TTC7B: variants seen among roughly 807,000 people sequenced by gnomAD.
The protein encoded by TTC7B is tetratricopeptide repeat protein 7B.
In TTC7B, 28 loss-of-function variants were observed where a neutral mutation model predicts 106.8. The ratio of observed to expected loss-of-function variants is 0.26; its 90% CI spans 0.19 to 0.36. TTC7B has a LOEUF of 0.36. Ranked by LOEUF, TTC7B falls within the 10% of genes least tolerant of loss-of-function variation. The pLI, the probability that TTC7B is intolerant of heterozygous loss-of-function variation, is 1.00. For missense variants in TTC7B, 862 were observed against 1,076.4 expected (o/e 0.80, Z 2.79); for synonymous variants, 405 against 430.6 (o/e 0.94, Z 0.74).
chr14:90,644,471 C>T (rs1360493612), intron 14 of TTC7B, among the ~76,000 whole-genome samples: 1 of 152,180 alleles, frequency 6.6e-6, no homozygotes, highest in Non-Finnish European at 1.5e-5. Flanking sequence ...TGTTTCTCTA[C>T]GTAGCTGCCA....
At chr14:90,734,933 G>A (rs972193913) in intron 4 of TTC7B, among the ~76,000 whole-genome samples, 4 of 152,082 alleles carry the variant, frequency 2.6e-5, no homozygotes, top group Admixed American at 6.6e-5. Context: ...ACAGGCATGC[G>A]CCACCACGCC....
intron 17 of TTC7B, among the ~76,000 whole-genome samples, chr14:90,605,401 G>A (rs1372567347): frequency 1.3e-5 from 2 of 152,230 alleles, no homozygotes; most frequent in African/African-American, 2.4e-5. Context: ...CAAAGAGGAA[G>A]TTGAGGCATG....
intron 15 of TTC7B, among the ~76,000 whole-genome samples, chr14:90,641,936 T>TCC (rs1885194832): frequency 7.9e-6 from 1 of 125,874 alleles, no homozygotes; most frequent in Admixed American, 7.7e-5. Context: ...TGTGTGTGCG[T>TCC]GTGTGTGTGT....
chr14:90,619,459 C>T (rs1272322418), intron 15 of TTC7B, among the ~76,000 whole-genome samples: 1 of 152,186 alleles, frequency 6.6e-6, no homozygotes, highest in Non-Finnish European at 1.5e-5. Flanking sequence ...TAATTCTTCC[C>T]AAACCCAGCC....
At chr14:90,734,593 T>C (rs1889449510) in intron 4 of TTC7B, among the ~76,000 whole-genome samples, 1 of 152,098 alleles carries the variant, frequency 6.6e-6, no homozygotes, top group South Asian at 2.1e-4. Context: ...TCCTCGACAC[T>C]GCTATCCTTG....
chr14:90,684,101 A>T (rs1462888255), intron 7 of TTC7B, among the ~76,000 whole-genome samples: 2 of 149,820 alleles, frequency 1.3e-5, no homozygotes, highest in Non-Finnish European at 3.0e-5. Context: ...TCAATATTCC[A>T]TGATAATTAC....
At chr14:90,707,530 A>T (rs1285825293) in intron 5 of TTC7B, among the ~76,000 whole-genome samples, 1 of 152,252 alleles carries the variant, frequency 6.6e-6, no homozygotes, top group Non-Finnish European at 1.5e-5. Flanking sequence ...TGTACCAAAC[A>T]CTTAGTCAAG....
chr14:90,642,769 T>C (rs1009198321), intron 15 of TTC7B: 4 of 152,238 alleles, frequency 2.6e-5, no homozygotes, highest in African/African-American at 9.6e-5. Context: ...TTTACAGTGA[T>C]AGTTCTTAGG....
chr14:90,561,743 T>C (rs1479851802), intron 19 of TTC7B, among the ~76,000 whole-genome samples: 1 of 152,184 alleles, frequency 6.6e-6, no homozygotes, highest in African/African-American at 2.4e-5. Flanking sequence ...ACCCTTCCTG[T>C]GCACGGTGGC....
At chr14:90,607,538 T>A (rs1292328480) in intron 17 of TTC7B, among the ~76,000 whole-genome samples, 1 of 152,242 alleles carries the variant, frequency 6.6e-6, no homozygotes, top group Non-Finnish European at 1.5e-5. Flanking sequence ...GATAAGTTCC[T>A]TTTCTCTTTG....
chr14:90,709,273 C>T (rs1449134271), intron 5 of TTC7B, among the ~76,000 whole-genome samples: 1 of 150,476 alleles, frequency 6.6e-6, no homozygotes, highest in Non-Finnish European at 1.5e-5. Flanking sequence ...ATAGCAAAGA[C>T]TTGGAACCAA....
intron 5 of TTC7B, among the ~76,000 whole-genome samples, chr14:90,712,951 C>T (rs953832245): frequency 2.6e-5 from 4 of 152,082 alleles, no homozygotes; most frequent in Non-Finnish European, 5.9e-5. Context: ...AATAGAGACT[C>T]CAGAAACAAA....
At chr14:90,637,214 A>G (rs1884982780) in intron 15 of TTC7B, among the ~76,000 whole-genome samples, 1 of 152,160 alleles carries the variant, frequency 6.6e-6, no homozygotes, top group African/African-American at 2.4e-5. Flanking sequence ...CAAATGCCAT[A>G]TGAAAAATAA....
chr14:90,546,618 C>T (rs1264269618), intron 19 of TTC7B, among the ~76,000 whole-genome samples: 1 of 152,234 alleles, frequency 6.6e-6, no homozygotes, highest in Non-Finnish European at 1.5e-5. Flanking sequence ...CACACTGCCC[C>T]CAACCAGCAG....
At chr14:90,547,059 T>C (rs953361954) in intron 19 of TTC7B, among the ~76,000 whole-genome samples, 1 of 152,194 alleles carries the variant, frequency 6.6e-6, no homozygotes, top group South Asian at 2.1e-4. Flanking sequence ...TCCCCAGCAC[T>C]GGTGTTCCTG....
At chr14:90,758,204 A>T (rs730975) in intron 3 of TTC7B, among the ~76,000 whole-genome samples, 98,529 of 149,926 alleles carry the variant, frequency 0.66, 33,182 homozygotes, top group African/African-American at 0.8. Flanking sequence ...CAACCCAAGT[A>T]CAGGGGCTTC....
Position 90,676,546 on chromosome 14 carries a change from C to T in TTC7B, c.1129G>A (p.Gly377Ser), listed in dbSNP as rs746825807. 1 of 1,614,114 alleles carries T rather than the reference C, an allele frequency of 6.2e-7. No individual in the cohort carries two copies. The highest frequency in any genetic ancestry group is 2.2e-5 in the East Asian group (1 of 44,882). ...DLLTIALGRR[G>S]QYEMLSECLE... ...ACCTCTGACAGCATCTCATACTGGC[C>T]TCTTCTTCCAAGAGCAATGGTGAGT... The change falls in exon 9 of 20, where the codon GGC becomes AGC. Residue 377 changes from glycine (G) to serine (S), a missense_variant. Physicochemically the swap from Gly to Ser is moderately conservative, Grantham distance 56 (BLOSUM62 0). Coordinates refer to ENST00000328459, the MANE Select transcript of TTC7B (RefSeq NM_001010854.2).
At chr14:90,793,678 T>C (rs1045497174) in intron 1 of TTC7B, among the ~76,000 whole-genome samples, 7 of 150,868 alleles carry the variant, frequency 4.6e-5, no homozygotes, top group Admixed American at 4.6e-4. Flanking sequence ...GCACGTCTTC[T>C]GCTCACCGCA....
At chr14:90,789,297 C>T (rs954145234) in intron 1 of TTC7B, among the ~76,000 whole-genome samples, 1 of 152,044 alleles carries the variant, frequency 6.6e-6, no homozygotes, top group Admixed American at 6.5e-5. Flanking sequence ...GGAGTTTCGC[C>T]ATGTTGGCCA....
Sources: allele counts gnomAD v4.1 joint callset (sites outside exome capture counted in the v4.1 genomes callset), GRCh38; gene constraint gnomAD v4.1.1; transcripts MANE v1.5; gene names NCBI Gene and HGNC (gene_info 2026-07-23, HGNC 2026-07-21).